KIF1A: variants seen among roughly 807,000 people sequenced by gnomAD.
KIF1A encodes kinesin-like protein KIF1A.
A neutral mutation model predicts 227.3 loss-of-function variants in KIF1A; 46 were observed. That is an observed-to-expected ratio of 0.20 (90% CI 0.16 to 0.26). The LOEUF (loss-of-function observed/expected upper bound fraction) is 0.26. KIF1A is among the 10% of genes least tolerant of loss of function. KIF1A has a pLI of 1.00. For missense variants in KIF1A, 1,683 were observed against 2,485.9 expected, an observed-to-expected ratio of 0.68 and a Z score of 6.87; for synonymous variants, 1,022 against 1,012.8, an observed-to-expected ratio of 1.01 and a Z score of -0.17.
At chr2:240,743,160 C>T (rs576889637) in intron 33 of KIF1A, among the ~76,000 whole-genome samples, 176 bp from the exon 34 acceptor site, 1 of 152,216 alleles carries the variant, frequency 6.6e-6, no homozygotes, top group Admixed American at 6.5e-5. Flanking sequence ...GACCCCAGCT[C>T]CCACCCCAGA....
chr2:240,720,730 C>T (rs1026632062), intron 45 of KIF1A, 184 bp downstream of exon 45: 1 of 601,132 alleles, frequency 1.7e-6, no homozygotes, highest in Non-Finnish European at 2.8e-6. Context: ...GCTGGCGGGG[C>T]ACAGGCACCC....
At chr2:240,743,595 T>C (rs1351617738) in intron 33 of KIF1A, among the ~76,000 whole-genome samples, 2 of 152,002 alleles carry the variant, frequency 1.3e-5, no homozygotes, top group Non-Finnish European at 2.9e-5. Context: ...GTGGCACAGC[T>C]GGGCCCCTTT....
At chr2:240,774,119 C>T (rs1264777231) in intron 12 of KIF1A, 64 bp downstream of exon 12, 14 of 1,083,790 alleles carry the variant, frequency 1.3e-5, no homozygotes, top group Non-Finnish European at 1.8e-5. Flanking sequence ...AATTCAAGCA[C>T]GAGAGGATCC....
rs1285347206 is a variant in KIF1A, at chr2:240,769,157, G to A, written c.1473C>T (p.Thr491=). ...MGVAMREDGG[T]LGVFSPKKTP... The stretch of plus-strand genomic sequence containing the variant: ...CCTTTTTGGGAGAGAATACGCCCAA[G>A]GTGCCGCCATCCTCCCTCATGGCCA... The change falls in exon 17 of 49, where the codon ACC becomes ACT. Residue 491 remains threonine, a synonymous_variant. Transcript: ENST00000498729. The A allele has an allele frequency of 6.2e-7, 1 of 1,611,048 alleles. No individual in the cohort carries two copies.
intron 27 of KIF1A, among the ~76,000 whole-genome samples, chr2:240,753,107 A>G (rs1210608033): frequency 6.6e-6 from 1 of 152,126 alleles, no homozygotes; most frequent in Admixed American, 6.5e-5. Flanking sequence ...AAGGTGACCC[A>G]CCAACTTCTG....
At position 240,789,456 on chromosome 2, in the gene KIF1A, C is replaced by G; in HGVS notation, c.107-144G>C. 1.5e-6 allele frequency: 1 copy of G among 663,852 alleles called. No individual in the cohort carries two copies. The highest frequency in any genetic ancestry group is 1.8e-5 in the South Asian group (1 of 55,316). 41.1% of individuals were successfully genotyped at this position (663,852 alleles called of 1,614,324 possible). On this transcript the variant is annotated intron_variant, in intron 2 of 48. Coordinates refer to ENST00000498729, the MANE Select transcript of KIF1A (RefSeq NM_001244008.2). The surrounding 1 kb of genome is among the most constrained non-coding windows in gnomAD (Gnocchi z 4.8). Reference sequence around the variant, plus strand: ...CCCCAAATTGGAGGGGACCTAGGACCCCACTCCCAGGCAGATGAGCTGTCT... The same window carrying G: ...CCCCAAATTGGAGGGGACCTAGGACGCCACTCCCAGGCAGATGAGCTGTCT...
At chr2:240,800,102 G>GCACA (rs2056825653) in intron 1 of KIF1A, among the ~76,000 whole-genome samples, 2 of 96,086 alleles carry the variant, frequency 2.1e-5, no homozygotes, top group South Asian at 7.7e-4. Context: ...CATGTCCAAA[G>GCACA]CAGACACACA....
intron 45 of KIF1A, 27 bp from the exon 46 acceptor site, chr2:240,719,953 AC>A: frequency 6.4e-7 from 1 of 1,563,388 alleles, no homozygotes; most frequent in South Asian, 1.2e-5. Flanking sequence ...AGTGCTGCCC[AC>A]TGCAGGCCTC....
chr2:240,768,005 G>A (rs946939248), intron 17 of KIF1A, among the ~76,000 whole-genome samples: 1 of 152,234 alleles, frequency 6.6e-6, no homozygotes, highest in Non-Finnish European at 1.5e-5. Context: ...TGCCCCCTGA[G>A]TGGGGAAGAT....
chr2:240,811,182 T>C (rs2057833432), intron 1 of KIF1A, among the ~76,000 whole-genome samples: 1 of 152,076 alleles, frequency 6.6e-6, no homozygotes, highest in African/African-American at 2.4e-5. Context: ...GCTTGTAACA[T>C]GTTGAAACCC....
At chr2:240,774,526 T>G (rs1051358119) in intron 11 of KIF1A, among the ~76,000 whole-genome samples, 3 of 152,028 alleles carry the variant, frequency 2.0e-5, no homozygotes, top group Non-Finnish European at 2.9e-5. Context: ...TTGGGGCCAT[T>G]TTACAACCAT....
At position 240,726,205 on chromosome 2, in the gene KIF1A, G is replaced by GT. The variant is rs1247323727; in HGVS notation, c.4122+620dup. Among the ~76,000 whole-genome samples, 4 of 152,220 alleles carry GT rather than the reference G, an allele frequency of 2.6e-5. No individual in the cohort carries two copies. The highest frequency in any genetic ancestry group is 2.9e-5 in the Non-Finnish European group (2 of 68,044). ...GGTGCTGTGGGGATGGAACACTTCTGTTTTTGTGCTGCCCGGAATGCAGAC... is the reference window on the plus strand; with the variant it reads ...GGTGCTGTGGGGATGGAACACTTCTGTTTTTTGTGCTGCCCGGAATGCAGAC... On this transcript the variant is annotated intron_variant, in intron 39 of 48. Transcript: ENST00000498729. This position sits in a 1 kb window ranked among gnomAD's most constrained non-coding sequence, Gnocchi z 5.2.
intron 4 of KIF1A, 102 bp downstream of exon 4, chr2:240,787,949 T>C: frequency 6.9e-6 from 8 of 1,151,834 alleles, no homozygotes; most frequent in Non-Finnish European, 9.8e-6. Flanking sequence ...GACTCCCTGC[T>C]CTCTGGGGGC....
intron 10 of KIF1A, among the ~76,000 whole-genome samples, chr2:240,777,805 T>C (rs2052973645): frequency 6.6e-6 from 1 of 152,194 alleles, no homozygotes; most frequent in African/African-American, 2.4e-5. Context: ...GCCTCCCTGC[T>C]CTGGGCCTGG....
chr2:240,772,590 G>T lies in KIF1A; in HGVS notation c.1187C>A (p.Thr396Asn). 6.5e-7 allele frequency: 1 copy of T among 1,547,834 alleles called. No individual in the cohort carries two copies. The highest frequency in any genetic ancestry group is 8.7e-7 in the Non-Finnish European group (1 of 1,144,650). The change falls in exon 14 of 49, where the codon ACT (threonine) becomes AAT (asparagine). Residue 396 changes from threonine (T) to asparagine (N), a missense_variant. Physicochemically the swap from Thr to Asn is moderately conservative, Grantham distance 65 (BLOSUM62 0). This residue lies in a region of KIF1A where 110 missense variants were observed against 133.1 expected (regional missense o/e 0.83). Transcript: ENST00000498729. ...CACACATTTGGGTCCTCCAGGCACA[G>T]TGTTGGCTATGGGGGAGGGAAGCGT... is the stretch of plus-strand genomic sequence containing the variant. Reference protein sequence around the residue: ...QGLGDITDTNTVPGGPKLTNA... With the variant: ...QGLGDITDTNNVPGGPKLTNA...
At position 240,763,352 on chromosome 2, in the gene KIF1A, G is replaced by T. The variant is rs1575590562; in HGVS notation, c.1769-6C>A. 2 of 1,566,110 alleles carry T rather than the reference G, an allele frequency of 1.3e-6. No individual in the cohort carries two copies. The highest frequency in any genetic ancestry group is 1.7e-6 in the Non-Finnish European group (2 of 1,156,408). ...ACCCATGATGATGCGGTTTCCTGGGGAACAGAGGGACAGGTGGCCTTGAGG... is the reference window on the plus strand; with the variant it reads ...ACCCATGATGATGCGGTTTCCTGGGTAACAGAGGGACAGGTGGCCTTGAGG... On this transcript the variant is annotated splice_region_variant and splice_polypyrimidine_tract_variant and intron_variant, in intron 20 of 48. Coordinates refer to ENST00000498729, the MANE Select transcript of KIF1A (RefSeq NM_001244008.2).
rs755583402 is a variant in KIF1A, at chr2:240,717,381, C to A, written c.5359G>T (p.Ala1787Ser). The A allele has an allele frequency of 1.2e-6, 2 of 1,611,954 alleles. No individual in the cohort carries two copies. The highest frequency in any genetic ancestry group is 1.7e-5 in the Admixed American group (1 of 59,998). The change falls in exon 49 of 49, where the codon GCC becomes TCC. Residue 1787 changes from alanine (A) to serine (S), a missense_variant. Coordinates refer to ENST00000498729, the MANE Select transcript of KIF1A (RefSeq NM_001244008.2). Reference protein sequence around the residue: ...IRSKLSRRRSAQMRV With the variant: ...IRSKLSRRRSSQMRV ...GCTCAGGTTCAGACCCGCATCTGGG[C>A]AGACCTCCTTCTGGAGAGCTTGGAC... is the stretch of plus-strand genomic sequence containing the variant.
rs5839792 is a variant in KIF1A, at chr2:240,786,789, AG to A, written c.430-277del. On this transcript the variant is annotated intron_variant, in intron 5 of 48. Transcript: ENST00000498729. ...GGGCCACCATCAGGACCCCTGAGTG[AG>A]GGGGTGGGGGCTGCCATCAGGACCC... 3.2e-3 allele frequency among the ~76,000 whole-genome samples: 365 copies of A among 113,822 alleles called. 20 individuals are homozygous for A. The highest frequency in any genetic ancestry group is 0.017 in the African/African-American group (334 of 19,806). 74.7% of individuals were successfully genotyped at this position (113,822 alleles called of 152,430 possible). A position where few individuals can be genotyped will look rare whatever the true frequency, so the allele number is the denominator to read the frequency against.
rs947624181 is a variant in KIF1A, at chr2:240,714,940, C to T, written c.*2424G>A. ...CTTCTGAATTTAGGCAGCTCCCAGG[C>T]ACCTCCACTCAGCCCACCCACGCCG... On this transcript the variant is annotated 3_prime_UTR_variant, in exon 49 of 49. Transcript: ENST00000498729. 1.3e-5 allele frequency: 2 copies of T among 152,286 alleles called. No individual in the cohort carries two copies. The highest frequency in any genetic ancestry group is 2.9e-5 in the Non-Finnish European group (2 of 68,074). 9.4% of individuals were successfully genotyped at this position (152,286 alleles called of 1,614,324 possible). A position where few individuals can be genotyped will look rare whatever the true frequency, so the allele number is the denominator to read the frequency against.
Sources: allele counts gnomAD v4.1 joint callset (sites outside exome capture counted in the v4.1 genomes callset), GRCh38; gene constraint gnomAD v4.1.1; regional missense constraint gnomAD v4.1.1; non-coding constraint Gnocchi (gnomAD v3.1); transcripts MANE v1.5; gene names NCBI Gene and HGNC (gene_info 2026-07-23, HGNC 2026-07-21).